CDC7: variants seen among roughly 807,000 people sequenced by gnomAD.
CDC7 encodes the protein cell division cycle 7-related protein kinase.
A neutral mutation model predicts 53.5 loss-of-function variants in CDC7; 34 were observed. That is an observed-to-expected ratio of 0.64 (90% CI 0.48 to 0.85). The LOEUF (loss-of-function observed/expected upper bound fraction) is 0.85, where lower values mean the gene tolerates loss of function less well. Ranked by LOEUF, CDC7 falls within the 40% of genes least tolerant of loss-of-function variation. The pLI is 0.00. For synonymous variants in CDC7, 211 were observed against 222.8 expected (o/e 0.95, Z 0.47); for missense variants, 594 against 679.7 (o/e 0.87, Z 1.40).
chr1:91,524,214 C>G lies in CDC7; in HGVS notation c.1504C>G (p.Gln502Glu). ...TGACCATAAAGCTTCTTGCCTCGTT[C>G]AAACACCTCCAGGACAATACTCAGG... The part of the protein sequence containing the change: ...KTDHKASCLV[Q>E]TPPGQYSGNS... Residue 502 changes from glutamine to glutamate, a missense_variant, in exon 12 of 12, where the codon CAA becomes GAA. Coordinates refer to ENST00000234626, the MANE Select transcript of CDC7 (RefSeq NM_003503.4). The G allele has an allele frequency of 6.2e-7, 1 of 1,614,016 alleles. No individual in the cohort carries two copies. Among genetic ancestry groups the G allele is most frequent in the Non-Finnish European group, 8.5e-7 (1 of 1,179,956 alleles).
chr1:91,512,816 CACAG>C (rs1667352097), intron 6 of CDC7, among the ~76,000 whole-genome samples: 1 of 152,132 alleles, frequency 6.6e-6, no homozygotes, highest in Non-Finnish European at 1.5e-5. Context: ...GCCTTATTAA[CACAG>C]ACCACTGGAA....
At chr1:91,522,829 G>A (rs1230905501) in intron 11 of CDC7, among the ~76,000 whole-genome samples, 3 of 151,992 alleles carry the variant, frequency 2.0e-5, no homozygotes, top group Non-Finnish European at 2.9e-5. Context: ...CCCTGGCTTA[G>A]TACACCAGTC....
At chr1:91,514,166 A>C (rs1667432538) in intron 8 of CDC7, 123 bp downstream of exon 8, 1 of 560,634 alleles carries the variant, frequency 1.8e-6, no homozygotes, top group Non-Finnish European at 3.1e-6. Context: ...CTTTGGCAGA[A>C]GGTATTACTG....
intron 4 of CDC7, 91 bp from the exon 5 acceptor site, chr1:91,511,506 C>T (rs372032527): frequency 1.4e-6 from 1 of 701,324 alleles, no homozygotes; most frequent in African/African-American, 1.8e-5. Flanking sequence ...AATATGTATG[C>T]ATTGCTAAAA....
intron 2 of CDC7, among the ~76,000 whole-genome samples, chr1:91,502,838 T>C (rs919426414): frequency 6.6e-6 from 1 of 152,182 alleles, no homozygotes; most frequent in Non-Finnish European, 1.5e-5. Context: ...TCAGTTCATC[T>C]TGTATGTTGG....
rs923049737 is a variant in CDC7, at chr1:91,511,587, T to C, written c.336-10T>C. 1 of 1,559,744 alleles carries C rather than the reference T, an allele frequency of 6.4e-7. No homozygotes were observed. Among genetic ancestry groups the C allele is most frequent in the East Asian group, 2.2e-5 (1 of 44,536 alleles). On this transcript the variant is annotated splice_polypyrimidine_tract_variant and intron_variant, in intron 4 of 11. Coordinates refer to ENST00000234626, the MANE Select transcript of CDC7 (RefSeq NM_003503.4). Reference sequence around the variant, plus strand: ...TTCTTCTAAAAGTTCCTTGTGCATTTTTCCACTAGGGGGCAAGATAATGTC... The same window carrying C: ...TTCTTCTAAAAGTTCCTTGTGCATTCTTCCACTAGGGGGCAAGATAATGTC...
At position 91,524,153 on chromosome 1, in the gene CDC7, G is replaced by A. The variant is rs1256464071; in HGVS notation, c.1443G>A (p.Gly481=). Residue 481 remains glycine (G), a synonymous_variant, in exon 12 of 12, where the codon GGG becomes GGA. Coordinates refer to ENST00000234626, the MANE Select transcript of CDC7 (RefSeq NM_003503.4). The part of the protein sequence containing the change: ...STPKLTSDIQ[G]HASHQPAISE... ...CCAAGTTAACAAGTGATATACAAGGGCATGCTTCTCATCAACCAGCTATTT... is the reference window on the plus strand; with the variant it reads ...CCAAGTTAACAAGTGATATACAAGGACATGCTTCTCATCAACCAGCTATTT... The A allele has an allele frequency of 2.5e-6, 4 of 1,614,000 alleles. No individual in the cohort carries two copies. Among genetic ancestry groups the A allele is most frequent in the African/African-American group, 1.3e-5 (1 of 75,014 alleles).
At position 91,514,973 on chromosome 1, in the gene CDC7, A is replaced by C. The variant is rs745874823; in HGVS notation, c.1073A>C (p.Lys358Thr). ...SLTCDCYATDKVCSICLSRRQ... is the reference protein window; with the variant it reads ...SLTCDCYATDTVCSICLSRRQ... ...ACCTGTGACTGCTATGCAACAGATA[A>C]AGTTTGTAGTATTTGCCTTTCAAGG... Residue 358 changes from lysine (K) to threonine (T), a missense_variant, in exon 9 of 12, where the codon AAA becomes ACA. Transcript: ENST00000234626. The C allele has an allele frequency of 1.9e-6, 3 of 1,611,106 alleles. No homozygotes were observed. In the South Asian group the frequency reaches 3.3e-5, roughly 18 times the overall value.
Position 91,524,466 on chromosome 1 carries a change from T to G in CDC7, c.*31T>G. ...GATCTTCATTTAATGTTTACTGTTA[T>G]GAGGTAGAATAAAAAAGAATACTTT... On this transcript the variant is annotated 3_prime_UTR_variant, in exon 12 of 12. Transcript: ENST00000234626. The G allele has an allele frequency of 1.3e-6, 2 of 1,512,654 alleles. No individual in the cohort carries two copies. The highest frequency in any genetic ancestry group is 1.4e-5 in the African/African-American group (1 of 71,932). The allele number at this position is 1,512,654 out of a possible 1,614,324, so 93.7% of individuals were successfully genotyped here.
At chr1:91,520,011 T>C (rs1360344540) in intron 10 of CDC7, 119 bp from the exon 11 acceptor site, 2 of 687,068 alleles carry the variant, frequency 2.9e-6, no homozygotes, top group African/African-American at 3.7e-5. Context: ...GGTCTGGGCA[T>C]CTGAAATTTT....
Position 91,513,259 on chromosome 1 carries a change from A to G in CDC7, c.774A>G (p.Arg258=), listed in dbSNP as rs1221286501. 4.3e-6 allele frequency: 7 copies of G among 1,613,434 alleles called. No homozygotes were observed. Among genetic ancestry groups the G allele is most frequent in the Non-Finnish European group, 5.9e-6 (7 of 1,179,532 alleles). ...CCACCACAAAAGCTTCTGTTAAAAG[A>G]CCCTACACAAATGCACAAATTCAGA... The part of the protein sequence containing the change: ...QQSTTKASVK[R]PYTNAQIQIK... The change falls in exon 7 of 12, where the codon AGA becomes AGG. Residue 258 remains arginine (R), a synonymous_variant. Coordinates refer to ENST00000234626, the MANE Select transcript of CDC7 (RefSeq NM_003503.4).
In CDC7 at chr1:91,513,186, A is replaced by G. The variant is rs1462015365; in HGVS notation, c.701A>G (p.Asn234Ser). ...AACAAATCCCACATAATCACAGGAA[A>G]CAAGATTCCACTGAGTGGCCCAGTA... The part of the protein sequence containing the change: ...SQNKSHIITG[N>S]KIPLSGPVPK... The change falls in exon 7 of 12, where the codon AAC becomes AGC. Residue 234 changes from asparagine to serine, a missense_variant. Asn to Ser is a conservative substitution (Grantham distance 46, BLOSUM62 1). Coordinates refer to ENST00000234626, the MANE Select transcript of CDC7 (RefSeq NM_003503.4). 3 of 1,613,870 alleles carry G rather than the reference A, an allele frequency of 1.9e-6. No individual in the cohort carries two copies. In the South Asian group the frequency reaches 3.3e-5, roughly 18 times the overall value.
Position 91,511,582 on chromosome 1 carries a change from G to A in CDC7, c.336-15G>A. 2 of 1,528,036 alleles carry A rather than the reference G, an allele frequency of 1.3e-6. No individual in the cohort carries two copies. The highest frequency in any genetic ancestry group is 1.8e-6 in the Non-Finnish European group (2 of 1,113,678). 94.7% of individuals were successfully genotyped at this position (1,528,036 alleles called of 1,614,324 possible). The stretch of plus-strand genomic sequence containing the variant: ...GACCTTTCTTCTAAAAGTTCCTTGT[G>A]CATTTTTCCACTAGGGGGCAAGATA... On this transcript the variant is annotated splice_polypyrimidine_tract_variant and intron_variant, in intron 4 of 11. Transcript: ENST00000234626.
At chr1:91,519,190 C>T (rs982168634) in intron 10 of CDC7, among the ~76,000 whole-genome samples, 11 of 144,344 alleles carry the variant, frequency 7.6e-5, no homozygotes, top group East Asian at 2.1e-4. Flanking sequence ...GCAGGCAGAT[C>T]ACTTGAGCCC....
At chr1:91,520,027 C>T (rs759544635) in intron 10 of CDC7, 103 bp from the exon 11 acceptor site, 6 of 907,936 alleles carry the variant, frequency 6.6e-6, no homozygotes, top group Non-Finnish European at 9.2e-6. Flanking sequence ...ATTTTTAAGG[C>T]TCCCAAGGTG....
chr1:91,520,273 A>T lies in CDC7; in HGVS notation c.1324A>T (p.Thr442Ser). ...CAGAGAAACTATCCAAGCTGCTAAA[A>T]CTTTTGGTAAGCAGTTTTGTATTAT... ...GSRETIQAAK[T>S]FGKSILCSKE... Residue 442 changes from threonine (T) to serine (S), a missense_variant, in exon 11 of 12, where the codon ACT becomes TCT. Thr to Ser is a moderately conservative substitution (Grantham distance 58). Coordinates refer to ENST00000234626, the MANE Select transcript of CDC7 (RefSeq NM_003503.4). 2 of 1,594,504 alleles carry T rather than the reference A, an allele frequency of 1.3e-6. No homozygotes were observed. Among genetic ancestry groups the T allele is most frequent in the Non-Finnish European group, 1.7e-6 (2 of 1,172,474 alleles).
chr1:91,507,769 T>G (rs1667069119), intron 2 of CDC7, 85 bp from the exon 3 acceptor site: 3 of 910,630 alleles, frequency 3.3e-6, no homozygotes, highest in Non-Finnish European at 5.0e-6. Flanking sequence ...ATTTTATAAT[T>G]TATTTCATTG....
At chr1:91,502,013 C>G (rs942729059) in intron 2 of CDC7, among the ~76,000 whole-genome samples, 182 bp downstream of exon 2, 18 of 152,192 alleles carry the variant, frequency 1.2e-4, no homozygotes, top group African/African-American at 4.3e-4. Context: ...ATTTGGAAGA[C>G]TGTAATACAA....
intron 10 of CDC7, among the ~76,000 whole-genome samples, chr1:91,518,913 T>C (rs1262540669): frequency 6.6e-6 from 1 of 151,756 alleles, no homozygotes; most frequent in Admixed American, 6.6e-5. Context: ...TACAAAAAAG[T>C]AGCTGGATGT....
Sources: gnomAD v4.1 joint callset for allele counts (sites outside exome capture counted in the v4.1 genomes callset) on GRCh38, gnomAD v4.1.1 for gene constraint, MANE v1.5 for transcripts, NCBI Gene and HGNC (gene_info 2026-07-23, HGNC 2026-07-21) for gene names.